ADGRB3: variants seen among roughly 807,000 people sequenced by gnomAD.
ADGRB3 encodes adhesion G protein-coupled receptor B3, also known as brain-specific angiogenesis inhibitor 3.
Under a neutral mutation model 193.4 loss-of-function variants are expected in ADGRB3, and 37 were observed. That is an observed-to-expected ratio of 0.19 (90% CI 0.15 to 0.25). The LOEUF (loss-of-function observed/expected upper bound fraction) is 0.25, where lower values mean the gene tolerates loss of function less well. Ranked by LOEUF, ADGRB3 falls within the 10% of genes least tolerant of loss-of-function variation. The pLI, the probability that ADGRB3 is intolerant of heterozygous loss-of-function variation, is 1.00. For missense variants in ADGRB3, 1,637 were observed against 1,852.9 expected (o/e 0.88, Z 2.14); for synonymous variants, 690 against 644.2 (o/e 1.07, Z -1.08).
At chr6:69,299,014 T>C (rs1031464427) in intron 20 of ADGRB3, among the ~76,000 whole-genome samples, 9 of 152,036 alleles carry the variant, frequency 5.9e-5, no homozygotes, top group African/African-American at 2.2e-4. Flanking sequence ...TTAAGAAGAT[T>C]CCCTTTCTCC....
intron 17 of ADGRB3, among the ~76,000 whole-genome samples, chr6:69,153,143 T>A (rs1203168074): frequency 1.6e-4 from 24 of 152,062 alleles, no homozygotes; most frequent in Non-Finnish European, 3.5e-4. Context: ...GCAAAACAAT[T>A]GGATTTTTAA....
intron 19 of ADGRB3, among the ~76,000 whole-genome samples, chr6:69,236,006 T>C (rs1244706551): frequency 6.6e-6 from 1 of 151,938 alleles, no homozygotes; most frequent in Non-Finnish European, 1.5e-5. Context: ...TTACCTAATA[T>C]TTTCAGAATG....
intron 3 of ADGRB3, among the ~76,000 whole-genome samples, chr6:68,868,512 A>G (rs548698342): frequency 3.3e-5 from 5 of 152,344 alleles, no homozygotes; most frequent in South Asian, 4.1e-4. Context: ...AAACCATTTT[A>G]TATATAACAC....
intron 17 of ADGRB3, among the ~76,000 whole-genome samples, chr6:69,104,216 G>A (rs1015250735): frequency 4.5e-5 from 6 of 133,852 alleles, no homozygotes; most frequent in Non-Finnish European, 6.2e-5. Context: ...TCCCCAGAGT[G>A]TGATGTTCCC....
At chr6:69,165,256 C>T (rs968643989) in intron 17 of ADGRB3, among the ~76,000 whole-genome samples, 1 of 152,024 alleles carries the variant, frequency 6.6e-6, no homozygotes, top group African/African-American at 2.4e-5. Flanking sequence ...AGACTTTGTG[C>T]CCAATTTCTA....
At chr6:68,647,964 G>T (rs1425048794) in intron 3 of ADGRB3, among the ~76,000 whole-genome samples, 1 of 151,968 alleles carries the variant, frequency 6.6e-6, no homozygotes, top group Non-Finnish European at 1.5e-5. Context: ...AATCAAAAAT[G>T]GTTAGCATCA....
chr6:69,233,482 A>T, intron 18 of ADGRB3, 66 bp downstream of exon 18: 1 of 1,590,856 alleles, frequency 6.3e-7, no homozygotes, highest in Non-Finnish European at 8.6e-7. Flanking sequence ...GTGTTTCTCC[A>T]GGGAACTGCA....
At chr6:69,363,961 T>C (rs1769508586) in intron 29 of ADGRB3, among the ~76,000 whole-genome samples, 1 of 151,870 alleles carries the variant, frequency 6.6e-6, no homozygotes, top group Non-Finnish European at 1.5e-5. Context: ...TCAGGAGGTG[T>C]TTTGAGTCTT....
intron 3 of ADGRB3, among the ~76,000 whole-genome samples, chr6:68,671,510 T>C (rs1768959075): frequency 6.6e-6 from 1 of 152,084 alleles, no homozygotes. Flanking sequence ...TCAATTAAAA[T>C]GATCATATGG....
chr6:69,038,119 A>G (rs982122825), intron 13 of ADGRB3, among the ~76,000 whole-genome samples: 5 of 152,150 alleles, frequency 3.3e-5, no homozygotes, highest in South Asian at 2.1e-4. Context: ...TCTGTCTACA[A>G]TGATCTCTTT....
At chr6:68,696,278 A>G (rs933776940) in intron 3 of ADGRB3, among the ~76,000 whole-genome samples, 7 of 152,154 alleles carry the variant, frequency 4.6e-5, no homozygotes, top group Middle Eastern at 3.4e-3. Flanking sequence ...TTAAAAGCTG[A>G]ATGTATTTTT....
intron 20 of ADGRB3, among the ~76,000 whole-genome samples, chr6:69,256,398 C>T (rs568170185): frequency 1.1e-3 from 164 of 152,256 alleles, no homozygotes; most frequent in Non-Finnish European, 1.9e-3. Context: ...GTTTGTAGTT[C>T]TCCTTGAAGA....
intron 3 of ADGRB3, among the ~76,000 whole-genome samples, chr6:68,772,319 A>G (rs1297526904): frequency 1.3e-5 from 2 of 152,106 alleles, no homozygotes; most frequent in African/African-American, 2.4e-5. Context: ...ATTTAGGGAA[A>G]TACAGAAGAT....
At chr6:69,325,714 A>G (rs926286197) in intron 21 of ADGRB3, among the ~76,000 whole-genome samples, 2 of 152,236 alleles carry the variant, frequency 1.3e-5, no homozygotes, top group African/African-American at 4.8e-5. Context: ...GTATTAGAAG[A>G]CTGGCATATG....
chr6:69,257,429 T>TGG (rs1766804169), intron 20 of ADGRB3, among the ~76,000 whole-genome samples: 1 of 152,220 alleles, frequency 6.6e-6, no homozygotes, highest in Non-Finnish European at 1.5e-5. Context: ...GGTTTAGTCT[T>TGG]GGGAGAGTGT....
At chr6:69,099,066 T>C (rs1772962531) in intron 17 of ADGRB3, among the ~76,000 whole-genome samples, 1 of 152,214 alleles carries the variant, frequency 6.6e-6, no homozygotes, top group African/African-American at 2.4e-5. Flanking sequence ...ACTGAGGGTG[T>C]TCATACTCCC....
At chr6:69,273,320 C>A (rs11965487) in intron 20 of ADGRB3, among the ~76,000 whole-genome samples, 14,947 of 152,198 alleles carry the variant, frequency 0.098, 807 homozygotes, top group Non-Finnish European at 0.11. Context: ...TTCCATATAT[C>A]AAAATCACTT....
At chr6:68,780,878 C>T (rs557952299) in intron 3 of ADGRB3, among the ~76,000 whole-genome samples, 77 of 152,146 alleles carry the variant, frequency 5.1e-4, no homozygotes, top group African/African-American at 1.8e-3. Context: ...TTGGATTTCA[C>T]AATTATGTAG....
chr6:69,054,501 A>G (rs1315269654), intron 15 of ADGRB3, among the ~76,000 whole-genome samples: 1 of 152,186 alleles, frequency 6.6e-6, no homozygotes, highest in Non-Finnish European at 1.5e-5. Flanking sequence ...TTCCTTTTTA[A>G]TTCTCACTTT....
Sources: gnomAD v4.1 joint callset for allele counts (sites outside exome capture counted in the v4.1 genomes callset) on GRCh38, gnomAD v4.1.1 for gene constraint, MANE v1.5 for transcripts, NCBI Gene and HGNC (gene_info 2026-07-23, HGNC 2026-07-21) for gene names.